The following CLPTM1 variants were observed in gnomAD, a reference collection of about 807,000 sequenced individuals.
CLPTM1 encodes the protein CLPTM1 regulator of GABA type A receptor forward trafficking, also known as putative lipid scramblase CLPTM1.
A neutral mutation model predicts 77.3 loss-of-function variants in CLPTM1; 21 were observed. The ratio of observed to expected loss-of-function variants is 0.27; its 90% CI spans 0.19 to 0.39. The LOEUF (loss-of-function observed/expected upper bound fraction) is 0.39. Among genes scored for constraint, CLPTM1 ranks in the 10% least tolerant of loss-of-function variants. The probability of loss-of-function intolerance (pLI) is 1.00; values close to 1 mark genes in which losing one functional copy is unlikely to be tolerated. For synonymous variants in CLPTM1, 373 were observed against 381.0 expected, an observed-to-expected ratio of 0.98 and a Z score of 0.24; for missense variants, 642 against 921.2, an observed-to-expected ratio of 0.70 and a Z score of 3.92.
Position 44,987,164 on chromosome 19 carries a change from C to A in CLPTM1, c.794-15C>A. The stretch of plus-strand genomic sequence containing the variant: ...CTGCCCGGGCCAAATGGTGCCCCTG[C>A]CCCACGTGCTGCAGATGTGAAGTTC... On this transcript the variant is annotated splice_polypyrimidine_tract_variant and intron_variant, in intron 7 of 13. Transcript: ENST00000337392. The A allele has an allele frequency of 1.2e-6, 2 of 1,601,736 alleles. No individual in the cohort carries two copies. The highest frequency in any genetic ancestry group is 1.3e-5 in the African/African-American group (1 of 74,844).
At chr19:44,957,665 T>C (rs1001774181) in intron 1 of CLPTM1, among the ~76,000 whole-genome samples, 2 of 152,192 alleles carry the variant, frequency 1.3e-5, no homozygotes, top group African/African-American at 4.8e-5. Flanking sequence ...GCAGGAACTG[T>C]GTCTTAGTCA....
At chr19:44,959,550 T>G (rs1007219449) in intron 1 of CLPTM1, among the ~76,000 whole-genome samples, 4 of 148,526 alleles carry the variant, frequency 2.7e-5, no homozygotes, top group Middle Eastern at 3.9e-3. Context: ...GATGAGGTCT[T>G]GCTGTGTTGC....
At chr19:44,976,025 G>C (rs1970801006) in intron 4 of CLPTM1, among the ~76,000 whole-genome samples, 1 of 152,208 alleles carries the variant, frequency 6.6e-6, no homozygotes, top group South Asian at 2.1e-4. Flanking sequence ...ACCATGCCCA[G>C]CTAATTTTTT....
chr19:44,965,208 A>G (rs1307489150), intron 2 of CLPTM1, among the ~76,000 whole-genome samples: 3 of 152,172 alleles, frequency 2.0e-5, no homozygotes, highest in Non-Finnish European at 2.9e-5. Flanking sequence ...GATGTTTACA[A>G]CAATCATCCC....
chr19:44,992,166 CAGTGCAG>C lies in CLPTM1; in HGVS notation c.1556-60_1556-54del. ...GAAGTGGTGAGGGGGCTGGTATGGC[CAGTGCAG>C]AGTGCACAGGGGAGAGGTGGGAGAG... On this transcript the variant is annotated intron_variant, in intron 12 of 13. Coordinates refer to ENST00000337392, the MANE Select transcript of CLPTM1 (RefSeq NM_001294.4). This position sits in a 1 kb window ranked among gnomAD's most constrained non-coding sequence, Gnocchi z 7.7. 6.4e-7 allele frequency: 1 copy of C among 1,551,922 alleles called. No homozygotes were observed. Among genetic ancestry groups the C allele is most frequent in the Non-Finnish European group, 8.8e-7 (1 of 1,130,216 alleles).
At chr19:44,979,025 G>A (rs921031181) in intron 5 of CLPTM1, among the ~76,000 whole-genome samples, 2 of 149,252 alleles carry the variant, frequency 1.3e-5, no homozygotes, top group Non-Finnish European at 3.0e-5. Context: ...ATGTCGCCCA[G>A]GCTGGAGTGC....
chr19:44,975,625 C>T (rs1022281467), intron 4 of CLPTM1, among the ~76,000 whole-genome samples: 11 of 151,840 alleles, frequency 7.2e-5, no homozygotes, highest in Admixed American at 4.6e-4. Flanking sequence ...AGGGCAGTGG[C>T]GCAACCTTGG....
chr19:44,979,806 G>C (rs1970865517), intron 5 of CLPTM1, among the ~76,000 whole-genome samples: 1 of 152,080 alleles, frequency 6.6e-6, no homozygotes, highest in African/African-American at 2.4e-5. Context: ...GTGACCTACA[G>C]GGTTGGTCTC....
chr19:44,985,328 C>G (rs1446315998), intron 6 of CLPTM1, 25 bp downstream of exon 6: 1 of 1,499,192 alleles, frequency 6.7e-7, no homozygotes, highest in Non-Finnish European at 9.3e-7. Flanking sequence ...TTGTCAGGGC[C>G]TATAGGGACC....
intron 6 of CLPTM1, among the ~76,000 whole-genome samples, chr19:44,985,858 G>A (rs1266916363): frequency 1.3e-5 from 2 of 152,146 alleles, no homozygotes; most frequent in Admixed American, 6.5e-5. Flanking sequence ...CCGTGCAAGA[G>A]TGTGTGGAGC....
chr19:44,966,982 C>T (rs1468361872), intron 2 of CLPTM1, among the ~76,000 whole-genome samples: 3 of 152,070 alleles, frequency 2.0e-5, no homozygotes, highest in Admixed American at 1.3e-4. Flanking sequence ...GCTGGGACTA[C>T]AGGCGCCCGC....
At chr19:44,983,617 C>CAAAAAAAAAGAAAA (rs1970932255) in intron 5 of CLPTM1, among the ~76,000 whole-genome samples, 1 of 39,788 alleles carries the variant, frequency 2.5e-5, no homozygotes, top group Non-Finnish European at 3.9e-5. Flanking sequence ...GACTCTGTCT[C>CAAAAAAAAAGAAAA]AAAAAAAAAA....
chr19:44,962,511 T>C (rs1056452697), intron 2 of CLPTM1, among the ~76,000 whole-genome samples: 7 of 152,114 alleles, frequency 4.6e-5, no homozygotes, highest in African/African-American at 1.4e-4. Flanking sequence ...AAGGCCGTCT[T>C]CTCCCTGTGT....
At position 44,974,524 on chromosome 19, in the gene CLPTM1, T is replaced by C; in HGVS notation, c.395T>C (p.Val132Ala). The change falls in exon 4 of 14, where the codon GTG becomes GCG. Residue 132 changes from valine to alanine, a missense_variant. Val to Ala is a moderately conservative substitution (Grantham distance 64). Transcript: ENST00000337392. ...CTCTTCTGGGAACAGCACGATCTTGTGTATGGCGACTGGACTAGCGGCGAG... is the reference window on the plus strand; with the variant it reads ...CTCTTCTGGGAACAGCACGATCTTGCGTATGGCGACTGGACTAGCGGCGAG... ...SALFWEQHDL[V>A]YGDWTSGENS... 1 of 1,614,204 alleles carries C rather than the reference T, an allele frequency of 6.2e-7. No individual in the cohort carries two copies. Among genetic ancestry groups the C allele is most frequent in the Non-Finnish European group, 8.5e-7 (1 of 1,180,032 alleles).
In CLPTM1 at chr19:44,990,584, G is replaced by T; in HGVS notation, c.1322G>T (p.Arg441Leu). Residue 441 changes from arginine to leucine, a missense_variant and splice_region_variant, in exon 10 of 14, where the codon CGG becomes CTG. Arg to Leu is a moderately radical substitution (Grantham distance 102). Coordinates refer to ENST00000337392, the MANE Select transcript of CLPTM1 (RefSeq NM_001294.4). The surrounding 1 kb of genome is among the most constrained non-coding windows in gnomAD (Gnocchi z 4.8). ...LWKITKVMDV[R>L]LDREHRVAGI... is the part of the protein sequence containing the mutation. ...AAGATCACCAAGGTCATGGACGTCC[G>T]GGTAAGGCTGGGGCGCCATGCTGTC... The T allele has an allele frequency of 1.9e-6, 3 of 1,613,054 alleles. No homozygotes were observed. The highest frequency in any genetic ancestry group is 1.7e-6 in the Non-Finnish European group (2 of 1,179,340).
rs557392545 is a variant in CLPTM1, at chr19:44,975,663, A to C, written c.468+1066A>C. Reference sequence around the variant, plus strand: ...CACTGCAACTTCACCTCCCAGGTTCAAGCGATTCTCATGTGCCAGCCTCCT... The same window carrying C: ...CACTGCAACTTCACCTCCCAGGTTCCAGCGATTCTCATGTGCCAGCCTCCT... On this transcript the variant is annotated intron_variant, in intron 4 of 13. Coordinates refer to ENST00000337392, the MANE Select transcript of CLPTM1 (RefSeq NM_001294.4). 2.6e-5 allele frequency among the ~76,000 whole-genome samples: 4 copies of C among 152,120 alleles called. No homozygotes were observed. The East Asian group carries it at 7.7e-4, about 29-fold the overall frequency.
upstream of CLPTM1, chr19:44,954,951 C>G: frequency 6.5e-7 from 1 of 1,529,136 alleles, no homozygotes. Context: ...AGAAAGGTTC[C>G]TCTGACGAAA....
Position 44,955,384 on chromosome 19 carries a change from C to T in CLPTM1, c.-12C>T. ...GGGGCTGGCGGCGGGGGCGGGGACC[C>T]GGAGCGGGAAGATGGCGGCGGCGCA... is the stretch of plus-strand genomic sequence containing the variant. On this transcript the variant is annotated 5_prime_UTR_variant, in exon 1 of 14. Coordinates refer to ENST00000337392, the MANE Select transcript of CLPTM1 (RefSeq NM_001294.4). 1.5e-6 allele frequency: 2 copies of T among 1,308,802 alleles called. No homozygotes were observed. The highest frequency in any genetic ancestry group is 3.0e-5 in the East Asian group (1 of 33,144). The allele number at this position is 1,308,802 out of a possible 1,614,324, so 81.1% of individuals were successfully genotyped here.
chr19:44,991,161 G>C lies in CLPTM1; in HGVS notation c.1420-77G>C, dbSNP rs573540128. The C allele has an allele frequency of 3.3e-5, 53 of 1,595,284 alleles. No individual in the cohort carries two copies. The African/African-American group carries it at 6.0e-4, about 18-fold the overall frequency. On this transcript the variant is annotated intron_variant, in intron 11 of 13. Transcript: ENST00000337392. This position sits in a 1 kb window ranked among gnomAD's most constrained non-coding sequence, Gnocchi z 5.4. ...CTGCCCGGCCTGCCAGACCAGGTGT[G>C]GTGGGTGAGGGCGGGGAGCAGGGCT...
Sources: gnomAD v4.1 joint callset for allele counts (sites outside exome capture counted in the v4.1 genomes callset) on GRCh38, gnomAD v4.1.1 for gene constraint, Gnocchi (gnomAD v3.1) non-coding constraint, MANE v1.5 for transcripts, NCBI Gene and HGNC (gene_info 2026-07-23, HGNC 2026-07-21) for gene names.